The following MKLN1 variants were observed in gnomAD, a reference collection of about 807,000 sequenced individuals.
The protein encoded by MKLN1 is muskelin.
In MKLN1, 18 loss-of-function variants were observed where a neutral mutation model predicts 99.0. That is an observed-to-expected ratio of 0.18 (90% CI 0.13 to 0.27). The LOEUF (loss-of-function observed/expected upper bound fraction) is 0.27, where lower values mean the gene tolerates loss of function less well. Ranked by LOEUF, MKLN1 falls within the 10% of genes least tolerant of loss-of-function variation. MKLN1 has a pLI of 1.00. For synonymous variants in MKLN1, 288 were observed against 293.2 expected (o/e 0.98, Z 0.18); for missense variants, 621 against 875.9 (o/e 0.71, Z 3.67).
intron 2 of MKLN1, among the ~76,000 whole-genome samples, chr7:131,145,628 T>C (rs538017595): frequency 5.3e-5 from 8 of 152,216 alleles, no homozygotes; most frequent in Non-Finnish European, 1.2e-4. Context: ...CAAGGTTTTA[T>C]GTAGGTGTGT....
chr7:131,242,618 G>A (rs761036292), intron 3 of MKLN1: 18 of 508,656 alleles, frequency 3.5e-5, no homozygotes, highest in Non-Finnish European at 5.3e-5. Flanking sequence ...AACCTGGGAC[G>A]GTGGTGCTTG....
chr7:131,299,990 T>C (rs1798351946), intron 3 of MKLN1, among the ~76,000 whole-genome samples: 6 of 152,196 alleles, frequency 3.9e-5, no homozygotes, highest in Admixed American at 3.9e-4. Context: ...GGGTAAACTC[T>C]GCAGCCACAA....
At chr7:131,471,083 A>G in intron 16 of MKLN1, 139 bp downstream of exon 16, 1 of 589,620 alleles carries the variant, frequency 1.7e-6, no homozygotes, top group Non-Finnish European at 2.9e-6. Flanking sequence ...AAAATGTCAC[A>G]GAGCAGGTGA....
intron 2 of MKLN1, among the ~76,000 whole-genome samples, chr7:131,191,280 G>A (rs369774010): frequency 6.6e-6 from 1 of 152,230 alleles, no homozygotes; most frequent in Non-Finnish European, 1.5e-5. Context: ...TTGCCAGAAG[G>A]CTGCTTACTC....
At position 131,139,935 on chromosome 7, in the gene MKLN1, G is replaced by A. The variant is rs964766603; in HGVS notation, c.-418-2885G>A. Among the ~76,000 whole-genome samples, 7 of 152,192 alleles carry A rather than the reference G, an allele frequency of 4.6e-5. No individual in the cohort carries two copies. In the East Asian group the frequency reaches 1.2e-3, roughly 25 times the overall value. On this transcript the variant is annotated intron_variant, in intron 1 of 7. Coordinates refer to the MKLN1 transcript ENST00000416992. Reference sequence around the variant, plus strand: ...GGCAGGAGGTCAGCTGAGCTGACACGCAGGTGGTAAGGGACCTCAGAGATC... The same window carrying A: ...GGCAGGAGGTCAGCTGAGCTGACACACAGGTGGTAAGGGACCTCAGAGATC...
At chr7:131,245,181 G>A (rs1797466986) in intron 3 of MKLN1, among the ~76,000 whole-genome samples, 1 of 151,942 alleles carries the variant, frequency 6.6e-6, no homozygotes, top group South Asian at 2.1e-4. Context: ...TTTGTAAAAT[G>A]GTGATACAGT....
At chr7:131,278,717 C>T (rs1798009092) in intron 3 of MKLN1, among the ~76,000 whole-genome samples, 1 of 152,018 alleles carries the variant, frequency 6.6e-6, no homozygotes, top group Non-Finnish European at 1.5e-5. Context: ...CTCAGCCTCC[C>T]CAGTAGCTAG....
chr7:131,421,559 A>G (rs1349758672), intron 8 of MKLN1, among the ~76,000 whole-genome samples: 1 of 152,168 alleles, frequency 6.6e-6, no homozygotes, highest in African/African-American at 2.4e-5. Context: ...AAATGGTGAT[A>G]ATAAACTAAG....
At chr7:131,308,414 A>G (rs899003869) in intron 3 of MKLN1, among the ~76,000 whole-genome samples, 2 of 152,046 alleles carry the variant, frequency 1.3e-5, no homozygotes, top group East Asian at 3.9e-4. Flanking sequence ...GGCATGCATC[A>G]CTACGCCCAG....
chr7:131,137,536 A>G (rs1795666752), intron 1 of MKLN1, among the ~76,000 whole-genome samples: 1 of 152,020 alleles, frequency 6.6e-6, no homozygotes. Flanking sequence ...TGTGAGAGAG[A>G]TGTGATCTGT....
intron 1 of MKLN1, among the ~76,000 whole-genome samples, chr7:131,139,301 T>A (rs1795696734): frequency 6.6e-6 from 1 of 152,132 alleles, no homozygotes; most frequent in African/African-American, 2.4e-5. Context: ...TGTGGTCTAT[T>A]GGCTCTAACC....
chr7:131,181,999 T>TG (rs1796383614), intron 2 of MKLN1, among the ~76,000 whole-genome samples: 3 of 152,062 alleles, frequency 2.0e-5, no homozygotes, highest in Admixed American at 6.6e-5. Context: ...CTGGGTGTGG[T>TG]GGTGCGTGCC....
At chr7:131,379,257 T>C (rs1793766237) in intron 2 of MKLN1, among the ~76,000 whole-genome samples, 1 of 152,130 alleles carries the variant, frequency 6.6e-6, no homozygotes, top group Non-Finnish European at 1.5e-5. Context: ...TAGAGGAAAA[T>C]TGAGCAGTAC....
At chr7:131,266,335 C>G (rs1348320564) in intron 3 of MKLN1, among the ~76,000 whole-genome samples, 1 of 152,072 alleles carries the variant, frequency 6.6e-6, no homozygotes, top group Admixed American at 6.6e-5. Flanking sequence ...ATCTCTCAAC[C>G]AATGTACTCA....
intron 2 of MKLN1, among the ~76,000 whole-genome samples, chr7:131,171,326 G>T (rs773520191): frequency 2.0e-5 from 3 of 152,218 alleles, no homozygotes; most frequent in Non-Finnish European, 2.9e-5. Flanking sequence ...CAGTGAAAAA[G>T]AGTCGGAAGG....
intron 3 of MKLN1, among the ~76,000 whole-genome samples, chr7:131,272,476 T>G (rs1026733926): frequency 2.0e-5 from 3 of 152,180 alleles, no homozygotes; most frequent in African/African-American, 7.2e-5. Context: ...TTGGCTGGAT[T>G]GAGAGGCATG....
chr7:131,189,519 T>G (rs1286561519), intron 2 of MKLN1, among the ~76,000 whole-genome samples: 1 of 116,522 alleles, frequency 8.6e-6, no homozygotes, highest in East Asian at 2.5e-4. Flanking sequence ...AGAAGTTTTT[T>G]ATATTAAAAA....
intron 10 of MKLN1, among the ~76,000 whole-genome samples, chr7:131,439,465 A>G (rs373384983): frequency 6.6e-6 from 1 of 152,190 alleles, no homozygotes; most frequent in East Asian, 1.9e-4. Flanking sequence ...ACTGGGGGTG[A>G]AGAAACAAGG....
At chr7:131,199,920 A>T (rs1385635077) in intron 2 of MKLN1, among the ~76,000 whole-genome samples, 1 of 151,730 alleles carries the variant, frequency 6.6e-6, no homozygotes, top group Non-Finnish European at 1.5e-5. Context: ...CTGGTATGGA[A>T]CTCCTGACCT....
Sources: allele counts gnomAD v4.1 joint callset (sites outside exome capture counted in the v4.1 genomes callset), GRCh38; gene constraint gnomAD v4.1.1; transcripts MANE v1.5; gene names NCBI Gene and HGNC (gene_info 2026-07-23, HGNC 2026-07-21).